Variants in SBF2 observed in about 807,000 individuals in gnomAD.
SBF2 encodes myotubularin-related protein 13.
SBF2 carries 112 observed loss-of-function variants against 225.2 expected under a neutral mutation model. That is an observed-to-expected ratio of 0.50 (90% confidence interval 0.43 to 0.58). The LOEUF (loss-of-function observed/expected upper bound fraction) is 0.58. Among genes scored for constraint, SBF2 ranks in the 20% least tolerant of loss-of-function variants. The probability of loss-of-function intolerance (pLI) is 0.00; values close to 1 mark genes in which losing one functional copy is unlikely to be tolerated. For missense variants in SBF2, 1,996 were observed against 2,206.2 expected, an observed-to-expected ratio of 0.90 and a Z score of 1.91; for synonymous variants, 763 against 773.3, an observed-to-expected ratio of 0.99 and a Z score of 0.22.
intron 17 of SBF2, among the ~76,000 whole-genome samples, chr11:9,869,108 T>C (rs1212084287): frequency 6.6e-6 from 1 of 152,258 alleles, no homozygotes; most frequent in East Asian, 1.9e-4. Context: ...GGATAAATAT[T>C]TGATTCTATC....
intron 29 of SBF2, among the ~76,000 whole-genome samples, chr11:9,813,462 G>A (rs1293337329): frequency 6.6e-6 from 1 of 151,974 alleles, no homozygotes; most frequent in Non-Finnish European, 1.5e-5. Context: ...CGAGTAGCTG[G>A]GACTACAGTC....
chr11:10,014,242 G>A (rs1052323090), intron 6 of SBF2, among the ~76,000 whole-genome samples: 3 of 151,970 alleles, frequency 2.0e-5, no homozygotes, highest in Admixed American at 1.3e-4. Flanking sequence ...ATGGAGCTAG[G>A]AAATATATGC....
rs1383464152 is a variant in SBF2 at position 10,174,909 on chromosome 11, C to G, written c.141+18993G>C. 2.7e-5 allele frequency among the ~76,000 whole-genome samples: 4 copies of G among 150,198 alleles called. No homozygotes were observed. The South Asian group carries it at 6.3e-4, about 24-fold the overall frequency. ...ACCCAGAATTTCATATCCAGCCAAACTAAACTTCATAAGTGAAGGAGAAAT... is the reference window on the plus strand; with the variant it reads ...ACCCAGAATTTCATATCCAGCCAAAGTAAACTTCATAAGTGAAGGAGAAAT... On this transcript the variant is annotated intron_variant, in intron 2 of 39. Transcript: ENST00000256190.
intron 9 of SBF2, among the ~76,000 whole-genome samples, chr11:9,996,521 C>T (rs1350422703): frequency 6.6e-6 from 1 of 152,162 alleles, no homozygotes; most frequent in African/African-American, 2.4e-5. Flanking sequence ...TCCTGAGTAG[C>T]TGGGATTACA....
At chr11:9,925,213 T>C (rs763480048) in intron 16 of SBF2, among the ~76,000 whole-genome samples, 3 of 152,144 alleles carry the variant, frequency 2.0e-5, no homozygotes, top group South Asian at 2.1e-4. Context: ...TAAAATTAAA[T>C]ATATTTTATC....
chr11:10,002,553 T>G lies in SBF2; in HGVS notation c.752+4A>C. The G allele has an allele frequency of 6.2e-7, 1 of 1,607,594 alleles. No homozygotes were observed. The highest frequency in any genetic ancestry group is 1.1e-5 in the South Asian group (1 of 90,824). ...TAAATAAAATTAACAAATGAAAACCTCACCTATATTTAAGAGGAAACATTA... is the reference window on the plus strand; with the variant it reads ...TAAATAAAATTAACAAATGAAAACCGCACCTATATTTAAGAGGAAACATTA... On this transcript the variant is annotated splice_donor_region_variant and intron_variant, in intron 7 of 39. Transcript: ENST00000256190.
intron 2 of SBF2, among the ~76,000 whole-genome samples, chr11:10,142,028 AT>A (rs1184797086): frequency 6.6e-6 from 1 of 152,112 alleles, no homozygotes; most frequent in African/African-American, 2.4e-5. Flanking sequence ...TTCAGCCTAG[AT>A]TTTTCTCACT....
intron 2 of SBF2, among the ~76,000 whole-genome samples, chr11:10,086,203 T>C (rs571065897): frequency 1.4e-4 from 22 of 152,114 alleles, no homozygotes; most frequent in Non-Finnish European, 3.2e-4. Context: ...TATCTTGCTT[T>C]TGAACTCGGC....
intron 16 of SBF2, among the ~76,000 whole-genome samples, chr11:9,952,711 A>C (rs1865928399): frequency 6.6e-6 from 1 of 152,134 alleles, no homozygotes; most frequent in Admixed American, 6.6e-5. Context: ...TACTTTAACC[A>C]CAGGTTACTC....
At chr11:10,095,722 C>T (rs753450232) in intron 2 of SBF2, among the ~76,000 whole-genome samples, 2 of 152,144 alleles carry the variant, frequency 1.3e-5, no homozygotes, top group Non-Finnish European at 2.9e-5. Context: ...TCTCAGAGAA[C>T]AAACGGATTT....
chr11:9,978,520 T>A (rs1946801039), intron 13 of SBF2, among the ~76,000 whole-genome samples: 1 of 152,232 alleles, frequency 6.6e-6, no homozygotes, highest in South Asian at 2.1e-4. Flanking sequence ...GTAGAAGACA[T>A]TTGAAGGGCT....
intron 16 of SBF2, among the ~76,000 whole-genome samples, chr11:9,941,618 A>G (rs1354542059): frequency 6.6e-6 from 1 of 152,242 alleles, no homozygotes; most frequent in Non-Finnish European, 1.5e-5. Flanking sequence ...ACTGACACCT[A>G]TTATGACAAA....
At chr11:9,952,775 T>G (rs1332430377) in intron 16 of SBF2, among the ~76,000 whole-genome samples, 3 of 152,222 alleles carry the variant, frequency 2.0e-5, no homozygotes, top group Non-Finnish European at 4.4e-5. Context: ...TACTCACTAA[T>G]ATGGAAATAT....
chr11:9,957,997 G>C (rs1184274376), intron 16 of SBF2: 15 of 151,914 alleles, frequency 9.9e-5, no homozygotes, highest in Non-Finnish European at 2.1e-4. Flanking sequence ...TACTTTTGTA[G>C]AAAGTTGGTT....
At chr11:9,854,624 A>G (rs954083466) in intron 19 of SBF2, among the ~76,000 whole-genome samples, 4 of 152,092 alleles carry the variant, frequency 2.6e-5, no homozygotes, top group Non-Finnish European at 5.9e-5. Flanking sequence ...TCACTCTGTC[A>G]CCCAGGCGAG....
rs935208245 is a variant in SBF2, at chr11:9,785,279, T to C, written c.5077A>G (p.Thr1693Ala). The change falls in exon 37 of 40, where the codon ACC becomes GCC. Residue 1693 changes from threonine (T) to alanine (A), a missense_variant. Thr to Ala is a moderately conservative substitution (Grantham distance 58, BLOSUM62 0). Coordinates refer to ENST00000256190, the MANE Select transcript of SBF2 (RefSeq NM_030962.4). Reference protein sequence around the residue: ...HLSRSPGIVSTNLPSYQKRSL... With the variant: ...HLSRSPGIVSANLPSYQKRSL... The stretch of plus-strand genomic sequence containing the variant: ...CTCTTCTGATAGGAAGGTAGGTTGG[T>C]AGACACAATTCCTGGGGATCTCGAC... 6.2e-7 allele frequency: 1 copy of C among 1,614,086 alleles called. No homozygotes were observed.
At chr11:9,828,263 G>C in intron 28 of SBF2, 3 of 1,278,288 alleles carry the variant, frequency 2.3e-6, no homozygotes, top group Non-Finnish European at 3.0e-6. Context: ...ATGTTGTTTG[G>C]GTTAACATTA....
chr11:9,787,677 T>C lies in SBF2; in HGVS notation c.4994A>G (p.Glu1665Gly), dbSNP rs1590083654. 1.2e-6 allele frequency: 2 copies of C among 1,614,246 alleles called. No homozygotes were observed. The highest frequency in any genetic ancestry group is 1.7e-6 in the Non-Finnish European group (2 of 1,180,046). Residue 1665 changes from glutamate to glycine, a missense_variant, in exon 36 of 40, where the codon GAA (glutamate) becomes GGA (glycine). By Grantham distance (98) the Glu-to-Gly change is moderately conservative (BLOSUM62 -2). Transcript: ENST00000256190. ...TTCTTTAAGGTCCACGGTTACCCTT[T>C]CCCACAGCTGCTGCCACTTCTCAGG... ...QAPEKWQQLW[E>G]RVTVDLKEEP...
chr11:9,934,282 C>G (rs564250216), intron 16 of SBF2, among the ~76,000 whole-genome samples: 63 of 152,234 alleles, frequency 4.1e-4, no homozygotes, highest in Non-Finnish European at 8.2e-4. Flanking sequence ...TCTGAATAGA[C>G]CAGTAACAGG....
Sources: allele counts gnomAD v4.1 joint callset (sites outside exome capture counted in the v4.1 genomes callset), GRCh38; gene constraint gnomAD v4.1.1; transcripts MANE v1.5; gene names NCBI Gene and HGNC (gene_info 2026-07-23, HGNC 2026-07-21).